Variants in PHACTR4 observed in about 807,000 individuals in gnomAD.
The protein encoded by PHACTR4 is protein phosphatase 1, regulatory subunit 124.
In PHACTR4, 51 loss-of-function variants were observed where a neutral mutation model predicts 72.7. The ratio of observed to expected loss-of-function variants is 0.70; its 90% CI spans 0.56 to 0.89. The LOEUF (loss-of-function observed/expected upper bound fraction) is 0.89, where lower values mean the gene tolerates loss of function less well. PHACTR4 is among the 40% of genes least tolerant of loss of function. The pLI is 0.00. For synonymous variants in PHACTR4, 255 were observed against 302.5 expected (o/e 0.84, Z 1.63); for missense variants, 731 against 861.8 (o/e 0.85, Z 1.90).
chr1:28,395,963 C>G (rs1195854291), intron 1 of PHACTR4, among the ~76,000 whole-genome samples: 2 of 147,196 alleles, frequency 1.4e-5, no homozygotes, highest in Non-Finnish European at 3.0e-5. Context: ...CACGCCCGGC[C>G]AACTTTTTTT....
At chr1:28,459,439 T>C (rs1284592137) in intron 3 of PHACTR4, among the ~76,000 whole-genome samples, 181 bp downstream of exon 3, 1 of 149,940 alleles carries the variant, frequency 6.7e-6, no homozygotes, top group Non-Finnish European at 1.5e-5. Flanking sequence ...TCTCCCTCTG[T>C]TGCCCAGGCT....
intron 1 of PHACTR4, among the ~76,000 whole-genome samples, chr1:28,378,339 T>TAAA (rs564072221): frequency 2.2e-5 from 3 of 134,982 alleles, no homozygotes; most frequent in Non-Finnish European, 3.2e-5. Flanking sequence ...CCGTCTCTAC[T>TAAA]AAAAAAAAAA....
At chr1:28,411,075 C>T (rs1482033938) in intron 2 of PHACTR4, among the ~76,000 whole-genome samples, 1 of 151,398 alleles carries the variant, frequency 6.6e-6, no homozygotes, top group East Asian at 1.9e-4. Flanking sequence ...GAGGTGGAGT[C>T]TTGCTCTGTC....
At chr1:28,493,203 T>A in intron 13 of PHACTR4, 112 bp downstream of exon 13, 1 of 883,012 alleles carries the variant, frequency 1.1e-6, no homozygotes, top group Non-Finnish European at 1.8e-6. Flanking sequence ...TCAGTGTTGA[T>A]TGCAAGACTG....
chr1:28,443,034 G>C (rs1215397941), intron 2 of PHACTR4, among the ~76,000 whole-genome samples: 2 of 151,888 alleles, frequency 1.3e-5, no homozygotes, highest in African/African-American at 4.8e-5. Context: ...CTCTTATCTA[G>C]CTGTAATTTT....
chr1:28,476,398 T>A, intron 8 of PHACTR4, 107 bp downstream of exon 8: 1 of 1,147,504 alleles, frequency 8.7e-7, no homozygotes, highest in Non-Finnish European at 1.2e-6. Flanking sequence ...CCTTCTCCCA[T>A]TAAGTCATCT....
chr1:28,477,991 A>G (rs34523591), intron 8 of PHACTR4, among the ~76,000 whole-genome samples: 15,796 of 151,876 alleles, frequency 0.1, 1,895 homozygotes, highest in African/African-American at 0.3. Context: ...CCCGGCCTAG[A>G]TCTTATTTCT....
At chr1:28,467,074 G>A (rs143048346) in intron 6 of PHACTR4, 15,492 of 220,706 alleles carry the variant, frequency 0.07, 1,374 homozygotes, top group African/African-American at 0.24. Context: ...TTAGCCAGGC[G>A]TGGTGGCACG....
Position 28,407,412 on chromosome 1 carries a change from A to G in PHACTR4, c.-36A>G. On this transcript the variant is annotated splice_region_variant and 5_prime_UTR_variant, in exon 2 of 14. Transcript: ENST00000373839. ...CATTTACCTTTTTCTCTTTTTAGAA[A>G]CAGTATCTCACCTCCCTAAACTGGT... is the stretch of plus-strand genomic sequence containing the variant. 1 of 1,578,074 alleles carries G rather than the reference A, an allele frequency of 6.3e-7. No homozygotes were observed. The highest frequency in any genetic ancestry group is 8.7e-7 in the Non-Finnish European group (1 of 1,152,358).
At chr1:28,489,818 G>A (rs1446830190) in intron 10 of PHACTR4, 1 of 518,846 alleles carries the variant, frequency 1.9e-6, no homozygotes, top group Admixed American at 1.9e-5. Context: ...CACTGAGAAG[G>A]TTTGGGCTTC....
chr1:28,479,722 T>G (rs950914046), intron 8 of PHACTR4, among the ~76,000 whole-genome samples: 1 of 150,488 alleles, frequency 6.6e-6, no homozygotes, highest in African/African-American at 2.5e-5. Flanking sequence ...CGAAACCCGG[T>G]GTCTACTAAA....
chr1:28,392,231 G>T (rs780391315), intron 1 of PHACTR4, among the ~76,000 whole-genome samples: 3 of 151,868 alleles, frequency 2.0e-5, no homozygotes, highest in Non-Finnish European at 4.4e-5. Flanking sequence ...CTCTTTGCTC[G>T]GTGTCTCCAC....
At position 28,491,631 on chromosome 1, in the gene PHACTR4, G is replaced by A. The variant is rs181379325; in HGVS notation, c.1879-19G>A. 15 of 1,613,866 alleles carry A rather than the reference G, an allele frequency of 9.3e-6. No homozygotes were observed. The East Asian group carries it at 2.9e-4, about 31-fold the overall frequency. On this transcript the variant is annotated intron_variant, in intron 11 of 13. Transcript: ENST00000373839. ...CCTAATTATTGGCTTGGTGAACTAA[G>A]AGGCTCCGTTTCCTTCAGCTCAGTC...
chr1:28,453,528 T>C (rs1219883522), intron 2 of PHACTR4: 2 of 600,784 alleles, frequency 3.3e-6, no homozygotes, highest in Non-Finnish European at 5.9e-6. Context: ...AGGTGGTGGC[T>C]GGGCTGGGGA....
chr1:28,471,591 T>A (rs1367429468), intron 6 of PHACTR4, among the ~76,000 whole-genome samples: 1 of 151,990 alleles, frequency 6.6e-6, no homozygotes, highest in African/African-American at 2.4e-5. Context: ...GTTTTACTCC[T>A]GTGTGATCTG....
intron 10 of PHACTR4, 75 bp downstream of exon 10, chr1:28,489,300 A>G: frequency 7.7e-7 from 1 of 1,302,772 alleles, no homozygotes; most frequent in Non-Finnish European, 1.1e-6. Flanking sequence ...ATAAAAGAAA[A>G]AAGAAGCGTT....
At chr1:28,403,878 G>A (rs1454572084) in intron 1 of PHACTR4, among the ~76,000 whole-genome samples, 7 of 152,102 alleles carry the variant, frequency 4.6e-5, no homozygotes, top group Admixed American at 4.6e-4. Flanking sequence ...TGTTTTAAAC[G>A]TTTATCCATG....
chr1:28,483,241 A>G (rs1035397364), intron 9 of PHACTR4, among the ~76,000 whole-genome samples: 6 of 151,842 alleles, frequency 4.0e-5, no homozygotes, highest in Non-Finnish European at 8.8e-5. Context: ...AAAAAAACAA[A>G]AAACTTAGCC....
At chr1:28,476,326 C>A (rs1557841546) in intron 8 of PHACTR4, 35 bp downstream of exon 8, 5 of 1,541,950 alleles carry the variant, frequency 3.2e-6, no homozygotes, top group Non-Finnish European at 4.4e-6. Flanking sequence ...ACAGAGAATT[C>A]TTTTCCAGAT....
Sources: allele counts gnomAD v4.1 joint callset (sites outside exome capture counted in the v4.1 genomes callset), GRCh38; gene constraint gnomAD v4.1.1; transcripts MANE v1.5; gene names NCBI Gene and HGNC (gene_info 2026-07-23, HGNC 2026-07-21).